MCF2L: variants seen among roughly 807,000 people sequenced by gnomAD.
MCF2L encodes guanine nucleotide exchange factor DBS.
A neutral mutation model predicts 153.4 loss-of-function variants in MCF2L; 97 were observed. The observed-to-expected ratio is 0.63, with a 90% CI of 0.54 to 0.75. The LOEUF (loss-of-function observed/expected upper bound fraction) is 0.75. Among genes scored for constraint, MCF2L ranks in the 30% least tolerant of loss-of-function variants. MCF2L has a pLI of 0.00. For missense variants in MCF2L, 1,347 were observed against 1,495.2 expected (o/e 0.90, Z 1.64); for synonymous variants, 659 against 632.2 (o/e 1.04, Z -0.64).
At chr13:112,981,103 C>G (rs73574963) in intron 1 of MCF2L, among the ~76,000 whole-genome samples, 126 of 151,794 alleles carry the variant, frequency 8.3e-4, no homozygotes, top group African/African-American at 2.9e-3. Flanking sequence ...ACGTCCCTTC[C>G]TGTGCACTGG....
In MCF2L at chr13:112,969,715, C is replaced by A. The variant is rs1398568500; in HGVS notation, c.79+257C>A. Among the ~76,000 whole-genome samples, 2 of 152,072 alleles carry A rather than the reference C, an allele frequency of 1.3e-5. No homozygotes were observed. The highest frequency in any genetic ancestry group is 2.4e-5 in the African/African-American group (1 of 41,386). ...AGGGTTGCTGGGTCTGCATGCGGAG[C>A]CATTTGTGTGTCTGAAGTCTGCCCA... On this transcript the variant is annotated intron_variant, in intron 1 of 29. Coordinates refer to ENST00000535094, the MANE Select transcript of MCF2L (RefSeq NM_001112732.3). The surrounding 1 kb of genome is among the most constrained non-coding windows in gnomAD (Gnocchi z 4.8).
At chr13:113,005,850 C>CAT in intron 1 of MCF2L, among the ~76,000 whole-genome samples, 1 of 152,356 alleles carries the variant, frequency 6.6e-6, no homozygotes, top group South Asian at 2.1e-4. Flanking sequence ...GCCTTAAATA[C>CAT]ATACAATTAT....
rs2035082947 is a variant in MCF2L at position 113,090,318 on chromosome 13, A to C, written c.2953+590A>C. 5 of 1,209,988 alleles carry C rather than the reference A, an allele frequency of 4.1e-6. No individual in the cohort carries two copies. The East Asian group carries it at 2.7e-4, about 65-fold the overall frequency. The allele number at this position is 1,209,988 out of a possible 1,614,324, so 75.0% of individuals were successfully genotyped here. ...CCCTGATGCTGTGTCTCGCGCACAG[A>C]CACCAGAGTTATTTAGAGGTGGCTT... is the stretch of plus-strand genomic sequence containing the variant. On this transcript the variant is annotated intron_variant, in intron 26 of 29. Transcript: ENST00000535094.
intron 1 of MCF2L, among the ~76,000 whole-genome samples, chr13:112,898,600 C>T (rs147008513): frequency 0.02 from 3,034 of 152,230 alleles, 109 homozygotes; most frequent in African/African-American, 0.07. Flanking sequence ...CTTCCCTCCC[C>T]GGTGGTACTC....
At chr13:112,924,226 C>G (rs1251935647) in intron 2 of MCF2L, among the ~76,000 whole-genome samples, 6 of 152,082 alleles carry the variant, frequency 3.9e-5, no homozygotes, top group Non-Finnish European at 8.8e-5. Flanking sequence ...CCACAACCCC[C>G]CCACGATGTG....
intron 4 of MCF2L, among the ~76,000 whole-genome samples, chr13:113,050,607 G>T (rs1468035499): frequency 6.8e-6 from 1 of 146,938 alleles, no homozygotes; most frequent in East Asian, 2.0e-4. Context: ...AGCTACTGGG[G>T]CTCTGGGGAG....
intron 2 of MCF2L, among the ~76,000 whole-genome samples, chr13:112,926,736 CACTT>C (rs769582553): frequency 1.4e-4 from 21 of 152,238 alleles, no homozygotes; most frequent in Admixed American, 7.8e-4. Context: ...TGCATGTTCT[CACTT>C]ACATGTGTAC....
chr13:112,905,487 G>A (rs2081164157), intron 2 of MCF2L, among the ~76,000 whole-genome samples: 1 of 152,186 alleles, frequency 6.6e-6, no homozygotes, highest in Non-Finnish European at 1.5e-5. Context: ...GGGGCAAGGA[G>A]GCAAGGAAGT....
rs60268268 is a variant in MCF2L at position 113,071,028 on chromosome 13, T to C, written c.996+855T>C. Among the ~76,000 whole-genome samples, 464 of 152,322 alleles carry C rather than the reference T, an allele frequency of 3.0e-3. 22 individuals are homozygous for C. In the East Asian group the frequency reaches 0.074, roughly 24 times the overall value. Reference sequence around the variant, plus strand: ...AAACGGTTCTCAGTGTATGAGAGACTAGTTGCTTCCCCTTTCCCCAGCACG... The same window carrying C: ...AAACGGTTCTCAGTGTATGAGAGACCAGTTGCTTCCCCTTTCCCCAGCACG... On this transcript the variant is annotated intron_variant, in intron 9 of 29. Coordinates refer to ENST00000535094, the MANE Select transcript of MCF2L (RefSeq NM_001112732.3).
At chr13:112,964,366 G>C (rs1354308773), upstream of MCF2L, among the ~76,000 whole-genome samples, 3 of 152,210 alleles carry the variant, frequency 2.0e-5, no homozygotes, top group Non-Finnish European at 4.4e-5. Context: ...TACCCGGGCT[G>C]CCCCCAGGAT....
At chr13:112,915,425 A>AAAAAAAAAAAAAAAAAAAAAAAAG (rs2081282349) in intron 2 of MCF2L, among the ~76,000 whole-genome samples, 1 of 149,870 alleles carries the variant, frequency 6.7e-6, no homozygotes, top group Non-Finnish European at 1.5e-5. Context: ...AAAAAAAAAA[A>AAAAAAAAAAAAAAAAAAAAAAAAG]TCCATCCTCA....
chr13:113,084,094 G>T (rs770370015), intron 18 of MCF2L, 27 bp downstream of exon 18: 1 of 1,581,298 alleles, frequency 6.3e-7, no homozygotes, highest in South Asian at 1.1e-5. Context: ...CGTGTATTTT[G>T]TCACAACTTC....
chr13:113,024,608 C>T lies in MCF2L; in HGVS notation c.164-36C>T, dbSNP rs772247664. 3.5e-6 allele frequency: 5 copies of T among 1,439,700 alleles called. No individual in the cohort carries two copies. The Admixed American group carries it at 8.4e-5, about 24-fold the overall frequency. The allele number at this position is 1,439,700 out of a possible 1,614,324, so 89.2% of individuals were successfully genotyped here. Reference sequence around the variant, plus strand: ...CTGTGGAACCCCCGGGGGCATGGAGCCCTCGGCTAAGGGTCTGCCTCTGGT... The same window carrying T: ...CTGTGGAACCCCCGGGGGCATGGAGTCCTCGGCTAAGGGTCTGCCTCTGGT... On this transcript the variant is annotated intron_variant, in intron 2 of 29. Transcript: ENST00000535094.
intron 2 of MCF2L, among the ~76,000 whole-genome samples, chr13:112,958,915 C>T (rs976552973): frequency 3.9e-5 from 6 of 152,246 alleles, no homozygotes; most frequent in African/African-American, 1.4e-4. Context: ...CAGAAGCTGC[C>T]GTGGAAGCAA....
At chr13:113,071,369 C>T (rs1317955739) in intron 9 of MCF2L, among the ~76,000 whole-genome samples, 2 of 152,164 alleles carry the variant, frequency 1.3e-5, no homozygotes, top group African/African-American at 4.8e-5. Context: ...TTTTCATCCT[C>T]TTTAACAGGG....
rs1029635016 is a variant in MCF2L, at chr13:112,943,666, G to A, written c.169+41295G>A. ...GCCAGTCCCTTACCCGGGGACAGAC[G>A]GGGAAGGCGGGAGCGCTCGCAGTTC... On this transcript the variant is annotated intron_variant, in intron 2 of 29. Transcript: ENST00000375608. This position sits in a 1 kb window ranked among gnomAD's most constrained non-coding sequence, Gnocchi z 4.2. 1.3e-5 allele frequency among the ~76,000 whole-genome samples: 2 copies of A among 150,796 alleles called. No homozygotes were observed. Among genetic ancestry groups the A allele is most frequent in the Non-Finnish European group, 2.9e-5 (2 of 68,008 alleles).
In MCF2L at chr13:112,906,484, A is replaced by G. The variant is rs559290738; in HGVS notation, c.169+4113A>G. On this transcript the variant is annotated intron_variant, in intron 2 of 29. Transcript: ENST00000375608. The stretch of plus-strand genomic sequence containing the variant: ...CCCACAGGAACATGCACACACGCAT[A>G]TGTACACACACGCACACACGGTGCA... Among the ~76,000 whole-genome samples, 6 of 152,284 alleles carry G rather than the reference A, an allele frequency of 3.9e-5. No homozygotes were observed. In the East Asian group the frequency reaches 7.7e-4, roughly 20 times the overall value.
chr13:113,013,649 C>T (rs1456810630), intron 1 of MCF2L, among the ~76,000 whole-genome samples: 2 of 152,224 alleles, frequency 1.3e-5, no homozygotes, highest in African/African-American at 4.8e-5. Context: ...TGACCTGGGT[C>T]CTCAGGTGTG....
At chr13:112,985,216 CCTGGCGTA>C (rs2082586420) in intron 1 of MCF2L, 1 of 353,602 alleles carries the variant, frequency 2.8e-6, no homozygotes, top group African/African-American at 2.1e-5. Context: ...AGGGTAATTG[CCTGGCGTA>C]CTCTGTCCCA....
Sources: allele counts gnomAD v4.1 joint callset (sites outside exome capture counted in the v4.1 genomes callset), GRCh38; gene constraint gnomAD v4.1.1; non-coding constraint Gnocchi (gnomAD v3.1); transcripts MANE v1.5; gene names NCBI Gene and HGNC (gene_info 2026-07-23, HGNC 2026-07-21).